Variants in SGCZ observed in about 807,000 individuals in gnomAD.
SGCZ encodes sarcoglycan zeta.
SGCZ carries 40 observed loss-of-function variants against 41.3 expected under a neutral mutation model. The ratio of observed to expected loss-of-function variants is 0.97; its 90% CI spans 0.75 to 1.26. The LOEUF is 1.26. Ranked by LOEUF, SGCZ falls within the 50% of genes most tolerant of loss-of-function variation. The pLI, the probability that SGCZ is intolerant of heterozygous loss-of-function variation, is 0.00. For missense variants in SGCZ, 552 were observed against 369.8 expected, an observed-to-expected ratio of 1.49 and a Z score of -4.04; for synonymous variants, 206 against 137.5, an observed-to-expected ratio of 1.50 and a Z score of -3.49.
chr8:14,165,620 T>C (rs1169850046), intron 4 of SGCZ, among the ~76,000 whole-genome samples: 1 of 152,120 alleles, frequency 6.6e-6, no homozygotes, highest in Non-Finnish European at 1.5e-5. Flanking sequence ...CCTATTAAGA[T>C]AGGAAACCTT....
intron 5 of SGCZ, among the ~76,000 whole-genome samples, chr8:14,138,251 G>A (rs1394470504): frequency 9.9e-5 from 15 of 152,160 alleles, no homozygotes; most frequent in Admixed American, 7.9e-4. Flanking sequence ...GACCATCGAG[G>A]CTAGGAAGAA....
At chr8:14,630,813 T>G (rs186786327) in intron 1 of SGCZ, among the ~76,000 whole-genome samples, 1 of 138,922 alleles carries the variant, frequency 7.2e-6, no homozygotes, top group Admixed American at 8.2e-5. Context: ...TAGGTGGGAA[T>G]TGAACAATGA....
chr8:14,497,185 T>A lies in SGCZ; in HGVS notation c.234+57547A>T, dbSNP rs181651032. On this transcript the variant is annotated intron_variant, in intron 2 of 7. Coordinates refer to ENST00000382080, the MANE Select transcript of SGCZ (RefSeq NM_139167.4). Reference sequence around the variant, plus strand: ...ACCTGAGGCTGGGTAATTTATTTTTTAAAAACAGAGGTTTATCTTGGCTCA... The same window carrying A: ...ACCTGAGGCTGGGTAATTTATTTTTAAAAAACAGAGGTTTATCTTGGCTCA... Among the ~76,000 whole-genome samples the A allele has an allele frequency of 2.0e-3, 302 of 152,268 alleles. 3 individuals are homozygous for A. The highest frequency in any genetic ancestry group is 1.4e-3 in the Non-Finnish European group (92 of 68,024).
At chr8:14,305,337 A>C (rs1801316762) in intron 3 of SGCZ, among the ~76,000 whole-genome samples, 1 of 152,180 alleles carries the variant, frequency 6.6e-6, no homozygotes, top group South Asian at 2.1e-4. Flanking sequence ...AGCGTGCAAT[A>C]TTTCTAATAC....
rs866516464 is a variant in SGCZ at position 14,724,702 on chromosome 8, C to T, written c.40-169776G>A. Among the ~76,000 whole-genome samples the T allele has an allele frequency of 4.1e-5, 5 of 120,748 alleles. No individual in the cohort carries two copies. The East Asian group carries it at 1.1e-3, about 27-fold the overall frequency. The allele number at this position is 120,748 out of a possible 152,430, so 79.2% of individuals were successfully genotyped here. ...TATCACTAAGTGATATATATATATG[C>T]ATATTTATTTTTATGAATACATAAT... On this transcript the variant is annotated intron_variant, in intron 1 of 7. Coordinates refer to ENST00000382080, the MANE Select transcript of SGCZ (RefSeq NM_139167.4).
intron 2 of SGCZ, among the ~76,000 whole-genome samples, chr8:14,410,698 G>A (rs904575058): frequency 2.9e-4 from 44 of 152,170 alleles, no homozygotes; most frequent in African/African-American, 1.0e-3. Context: ...GATAGCTGCA[G>A]CAAACCCCCA....
At chr8:14,093,964 C>G (rs1801766046) in intron 7 of SGCZ, among the ~76,000 whole-genome samples, 1 of 151,846 alleles carries the variant, frequency 6.6e-6, no homozygotes, top group Admixed American at 6.6e-5. Flanking sequence ...TTTGGTTCAT[C>G]CATATAGAAT....
At chr8:14,127,671 T>C (rs1006125910) in intron 5 of SGCZ, among the ~76,000 whole-genome samples, 1 of 152,190 alleles carries the variant, frequency 6.6e-6, no homozygotes, top group African/African-American at 2.4e-5. Context: ...TTAGCCAGGA[T>C]GGACTTGATC....
intron 5 of SGCZ, among the ~76,000 whole-genome samples, chr8:14,127,331 C>G (rs891483394): frequency 3.9e-5 from 6 of 152,060 alleles, no homozygotes; most frequent in African/African-American, 4.8e-5. Context: ...CCCCTAAATA[C>G]TGAGGAGCAA....
In SGCZ at chr8:14,088,271, C is replaced by G. The variant is rs149381292; in HGVS notation, c.*2172G>C. On this transcript the variant is annotated 3_prime_UTR_variant, in exon 8 of 8. Coordinates refer to ENST00000382080, the MANE Select transcript of SGCZ (RefSeq NM_139167.4). ...GTAAACTGAAGCCTGGAGAGATTCT[C>G]GAACTGCCTAAAACAGCTCAATTGA... 3.3e-5 allele frequency among the ~76,000 whole-genome samples: 5 copies of G among 151,786 alleles called. No homozygotes were observed. Among genetic ancestry groups the G allele is most frequent in the African/African-American group, 7.2e-5 (3 of 41,478 alleles).
At chr8:15,046,049 T>C (rs1377040202) in intron 1 of SGCZ, among the ~76,000 whole-genome samples, 2 of 152,140 alleles carry the variant, frequency 1.3e-5, no homozygotes, top group Non-Finnish European at 2.9e-5. Flanking sequence ...TTACATTATA[T>C]TGTTAGTACA....
intron 2 of SGCZ, among the ~76,000 whole-genome samples, chr8:14,442,008 T>TC (rs1415385703): frequency 6.6e-6 from 1 of 152,220 alleles, no homozygotes; most frequent in Non-Finnish European, 1.5e-5. Context: ...AGCCATACAT[T>TC]CCCCTGCTGG....
intron 2 of SGCZ, among the ~76,000 whole-genome samples, chr8:14,381,355 C>A (rs1299884730): frequency 6.6e-6 from 1 of 152,178 alleles, no homozygotes; most frequent in Non-Finnish European, 1.5e-5. Context: ...AGAAATTATT[C>A]AGGTCCAGCC....
At chr8:14,182,519 T>C (rs984261658) in intron 4 of SGCZ, among the ~76,000 whole-genome samples, 1 of 152,156 alleles carries the variant, frequency 6.6e-6, no homozygotes, top group Non-Finnish European at 1.5e-5. Context: ...CCAGCTGGAC[T>C]TGTCCAACTC....
intron 1 of SGCZ, among the ~76,000 whole-genome samples, chr8:14,648,116 C>T (rs1807283672): frequency 6.6e-6 from 1 of 151,972 alleles, no homozygotes; most frequent in African/African-American, 2.4e-5. Context: ...CACAGAGCAC[C>T]ACCTCCTTAA....
chr8:14,802,622 G>T (rs1801360125), intron 1 of SGCZ, among the ~76,000 whole-genome samples: 1 of 152,198 alleles, frequency 6.6e-6, no homozygotes, highest in East Asian at 1.9e-4. Flanking sequence ...GAGACAGAGA[G>T]AGAAACACAC....
At chr8:14,504,216 C>T (rs1802238321) in intron 2 of SGCZ, among the ~76,000 whole-genome samples, 2 of 152,206 alleles carry the variant, frequency 1.3e-5, no homozygotes, top group African/African-American at 2.4e-5. Flanking sequence ...TAAATGTCAT[C>T]TTCAGATTGC....
At chr8:14,831,251 G>T (rs1276287560) in intron 1 of SGCZ, among the ~76,000 whole-genome samples, 2 of 152,184 alleles carry the variant, frequency 1.3e-5, no homozygotes, top group African/African-American at 4.8e-5. Flanking sequence ...TGGTGTTTCA[G>T]TTGTAGATAT....
In SGCZ at chr8:14,834,386, G is replaced by A. The variant is rs116779742; in HGVS notation, c.40-279460C>T. ...CACTCAAGATGGGCTAAACACTACA[G>A]TATTACCAAATCAATTTTTAAGCCA... On this transcript the variant is annotated intron_variant, in intron 1 of 7. Transcript: ENST00000382080. Among the ~76,000 whole-genome samples the A allele has an allele frequency of 2.6e-5, 4 of 152,078 alleles. 1 individual carries two copies. The highest frequency in any genetic ancestry group is 9.7e-5 in the African/African-American group (4 of 41,398).
Sources: gnomAD v4.1 joint callset for allele counts (sites outside exome capture counted in the v4.1 genomes callset) on GRCh38, gnomAD v4.1.1 for gene constraint, MANE v1.5 for transcripts, NCBI Gene and HGNC (gene_info 2026-07-23, HGNC 2026-07-21) for gene names.